The following PPP4R2 variants were observed in gnomAD, a reference collection of about 807,000 sequenced individuals.
PPP4R2 encodes protein phosphatase 4 regulatory subunit 2, also known as serine/threonine-protein phosphatase 4 regulatory subunit 2.
PPP4R2 carries 13 observed loss-of-function variants against 47.2 expected under a neutral mutation model. That is an observed-to-expected ratio of 0.28 (90% CI 0.18 to 0.44). PPP4R2 has a LOEUF of 0.44. Among genes scored for constraint, PPP4R2 ranks in the 20% least tolerant of loss-of-function variants. PPP4R2 has a pLI of 1.00. For missense variants in PPP4R2, 421 were observed against 491.2 expected, an observed-to-expected ratio of 0.86 and a Z score of 1.35; for synonymous variants, 151 against 163.3, an observed-to-expected ratio of 0.92 and a Z score of 0.57.
intron 4 of PPP4R2, 89 bp from the exon 5 acceptor site, chr3:73,060,934 C>T: frequency 4.8e-6 from 4 of 826,500 alleles, no homozygotes; most frequent in South Asian, 2.2e-5. Context: ...GGAATTTAAC[C>T]CACCAGAGTG....
At chr3:73,019,711 A>G (rs1033288715) in intron 2 of PPP4R2, among the ~76,000 whole-genome samples, 2 of 152,156 alleles carry the variant, frequency 1.3e-5, no homozygotes, top group African/African-American at 4.8e-5. Context: ...AAAATAATAG[A>G]AATTATTATT....
At chr3:73,010,603 G>T (rs1701703653) in intron 2 of PPP4R2, among the ~76,000 whole-genome samples, 1 of 151,836 alleles carries the variant, frequency 6.6e-6, no homozygotes, top group South Asian at 2.1e-4. Context: ...CTGTCTCCCA[G>T]GCTGGAGTGC....
intron 2 of PPP4R2, among the ~76,000 whole-genome samples, chr3:73,030,166 T>G (rs1199921658): frequency 6.6e-6 from 1 of 152,188 alleles, no homozygotes; most frequent in African/African-American, 2.4e-5. Context: ...TGATCCATTA[T>G]TAGCAAATAA....
chr3:73,004,479 A>G (rs960076833), intron 2 of PPP4R2, among the ~76,000 whole-genome samples: 4 of 152,178 alleles, frequency 2.6e-5, no homozygotes, highest in African/African-American at 9.7e-5. Context: ...TTTTTGAGAC[A>G]GAGTCTTGCT....
Position 73,066,979 on chromosome 3 carries a change from T to G in PPP4R2, c.*1257T>G, listed in dbSNP as rs1396781176. The G allele has an allele frequency of 6.6e-6, 1 of 152,146 alleles. No homozygotes were observed. Among genetic ancestry groups the G allele is most frequent in the Non-Finnish European group, 1.5e-5 (1 of 67,964 alleles). 9.4% of individuals were successfully genotyped at this position (152,146 alleles called of 1,614,324 possible). A position where few individuals can be genotyped will look rare whatever the true frequency, so the allele number is the denominator to read the frequency against. ...AGTCATGCAAGCTGTAACTTCCCTGTCAAAATTACTGGCTGCCAAATTTAT... is the reference window on the plus strand; with the variant it reads ...AGTCATGCAAGCTGTAACTTCCCTGGCAAAATTACTGGCTGCCAAATTTAT... On this transcript the variant is annotated 3_prime_UTR_variant, in exon 9 of 9. Coordinates refer to ENST00000356692, the MANE Select transcript of PPP4R2 (RefSeq NM_174907.4).
intron 3 of PPP4R2, among the ~76,000 whole-genome samples, chr3:73,058,729 C>T (rs1702779976): frequency 6.6e-6 from 1 of 151,916 alleles, no homozygotes; most frequent in South Asian, 2.1e-4. Flanking sequence ...ACCTGTTGTG[C>T]TATCAAATAC....
intron 2 of PPP4R2, among the ~76,000 whole-genome samples, chr3:72,999,929 A>G (rs1172452551): frequency 6.6e-6 from 1 of 152,252 alleles, no homozygotes; most frequent in Non-Finnish European, 1.5e-5. Flanking sequence ...TTTTATCAAC[A>G]TGGCATATCT....
At chr3:72,998,454 A>G (rs1475481518) in intron 2 of PPP4R2, among the ~76,000 whole-genome samples, 1 of 152,158 alleles carries the variant, frequency 6.6e-6, no homozygotes, top group African/African-American at 2.4e-5. Context: ...AAGAATGCCT[A>G]TTCCATTATG....
At chr3:73,055,415 A>AGTGTGT (rs1403861714) in intron 3 of PPP4R2, among the ~76,000 whole-genome samples, 1 of 56,696 alleles carries the variant, frequency 1.8e-5, no homozygotes, top group Non-Finnish European at 3.4e-5. Context: ...CTAGTGGGGT[A>AGTGTGT]GCGTGTGTGT....
intron 2 of PPP4R2, among the ~76,000 whole-genome samples, chr3:73,034,626 G>T (rs1233526636): frequency 1.3e-5 from 2 of 152,098 alleles, no homozygotes; most frequent in African/African-American, 4.8e-5. Context: ...TTGAACTTCT[G>T]GGTTCAAGCA....
chr3:73,022,897 C>A (rs1328903145), intron 2 of PPP4R2, among the ~76,000 whole-genome samples: 2 of 151,752 alleles, frequency 1.3e-5, no homozygotes, highest in African/African-American at 4.8e-5. Flanking sequence ...AAGAGACATT[C>A]ACTCTTGAAG....
chr3:73,065,567 G>A lies in PPP4R2; in HGVS notation c.1099G>A (p.Glu367Lys), dbSNP rs764238159. Residue 367 changes from glutamate to lysine, a missense_variant, in exon 9 of 9, where the codon GAA becomes AAA. Physicochemically the swap from Glu to Lys is moderately conservative, Grantham distance 56 (BLOSUM62 1). Coordinates refer to ENST00000356692, the MANE Select transcript of PPP4R2 (RefSeq NM_174907.4). ...DLLHSEGSEN[E>K]GPVSSSSSDC... ...GCTACATTCTGAAGGTAGTGAAAAC[G>A]AAGGCCCTGTAAGTAGTAGTTCTTC... The A allele has an allele frequency of 2.5e-6, 4 of 1,613,206 alleles. No individual in the cohort carries two copies. Among genetic ancestry groups the A allele is most frequent in the East Asian group, 2.2e-5 (1 of 44,858 alleles).
chr3:73,019,902 T>C (rs1025160505), intron 2 of PPP4R2, among the ~76,000 whole-genome samples: 7 of 152,210 alleles, frequency 4.6e-5, no homozygotes, highest in Non-Finnish European at 5.9e-5. Flanking sequence ...AATTTTGTCT[T>C]ATTTTCCACT....
chr3:73,023,171 T>A (rs6782917), intron 2 of PPP4R2, among the ~76,000 whole-genome samples: 3 of 149,612 alleles, frequency 2.0e-5, no homozygotes, highest in Admixed American at 6.6e-5. Context: ...GTGAGGTTTC[T>A]TTTCTTTTCC....
At chr3:73,014,503 G>C (rs1177005295) in intron 2 of PPP4R2, among the ~76,000 whole-genome samples, 1 of 151,996 alleles carries the variant, frequency 6.6e-6, no homozygotes, top group Non-Finnish European at 1.5e-5. Flanking sequence ...GGTTGCCCAG[G>C]CTGGTCTCAA....
intron 2 of PPP4R2, among the ~76,000 whole-genome samples, chr3:73,023,476 G>C (rs1382869351): frequency 6.6e-6 from 1 of 152,148 alleles, no homozygotes; most frequent in African/African-American, 2.4e-5. Context: ...ATGAGCCACA[G>C]TGCCTGGCCA....
At chr3:72,999,831 A>G (rs1002254790) in intron 2 of PPP4R2, among the ~76,000 whole-genome samples, 2 of 152,202 alleles carry the variant, frequency 1.3e-5, no homozygotes, top group African/African-American at 4.8e-5. Context: ...TTAGATTCTT[A>G]TATTCAATGG....
intron 3 of PPP4R2, among the ~76,000 whole-genome samples, chr3:73,052,162 A>T (rs946963912): frequency 7.9e-5 from 12 of 152,184 alleles, no homozygotes; most frequent in African/African-American, 2.9e-4. Flanking sequence ...GGGACTAGAA[A>T]AAAAAGAATA....
chr3:73,031,850 C>G (rs185699117), intron 2 of PPP4R2, among the ~76,000 whole-genome samples: 1 of 152,230 alleles, frequency 6.6e-6, no homozygotes, highest in Non-Finnish European at 1.5e-5. Flanking sequence ...TTCTCCCCAT[C>G]CTGAGTTTCT....
Sources: allele counts gnomAD v4.1 joint callset (sites outside exome capture counted in the v4.1 genomes callset), GRCh38; gene constraint gnomAD v4.1.1; transcripts MANE v1.5; gene names NCBI Gene and HGNC (gene_info 2026-07-23, HGNC 2026-07-21).